Variants in GALNT13 observed in about 807,000 individuals in gnomAD.
The protein encoded by GALNT13 is UDP-GalNAc:polypeptide N-acetylgalactosaminyltransferase 13.
A neutral mutation model predicts 64.2 loss-of-function variants in GALNT13; 28 were observed. The ratio of observed to expected loss-of-function variants is 0.44; its 90% CI spans 0.32 to 0.60. GALNT13 has a LOEUF of 0.60. GALNT13 is among the 20% of genes least tolerant of loss of function. The probability of loss-of-function intolerance (pLI) is 0.05; values close to 1 mark genes in which losing one functional copy is unlikely to be tolerated. For synonymous variants in GALNT13, 214 were observed against 224.6 expected (o/e 0.95, Z 0.42); for missense variants, 577 against 669.8 (o/e 0.86, Z 1.53).
At chr2:154,206,293 G>C (rs1687448820) in intron 4 of GALNT13, among the ~76,000 whole-genome samples, 1 of 151,900 alleles carries the variant, frequency 6.6e-6, no homozygotes. Context: ...GAGCAACTGA[G>C]CCCGGCCCTA....
chr2:153,646,034 A>T, the GALNT13 span, among the ~76,000 whole-genome samples: 1 of 152,206 alleles, frequency 6.6e-6, no homozygotes, highest in Non-Finnish European at 1.5e-5. Context: ...AAAAACTATC[A>T]TTATTTCTAT....
At chr2:154,228,020 G>A (rs999859262) in intron 4 of GALNT13, among the ~76,000 whole-genome samples, 1 of 152,002 alleles carries the variant, frequency 6.6e-6, no homozygotes, top group Admixed American at 6.6e-5. Flanking sequence ...GCAGTCCTAC[G>A]TGTGATGTTA....
the GALNT13 span, among the ~76,000 whole-genome samples, chr2:153,586,334 T>C: frequency 6.6e-6 from 1 of 152,152 alleles, no homozygotes. Context: ...ACATATAGAT[T>C]GAAAGTAAAG....
chr2:153,855,535 A>G, the GALNT13 span, among the ~76,000 whole-genome samples: 1 of 152,212 alleles, frequency 6.6e-6, no homozygotes, highest in African/African-American at 2.4e-5. Context: ...CAAAGCCACA[A>G]TGAGACACCA....
chr2:153,279,396 A>G, the GALNT13 span, among the ~76,000 whole-genome samples: 5 of 151,856 alleles, frequency 3.3e-5, no homozygotes, highest in Non-Finnish European at 7.4e-5. Context: ...CCTGTACTAT[A>G]TTGAATAAGA....
intron 10 of GALNT13, among the ~76,000 whole-genome samples, chr2:154,402,626 G>A (rs376392177): frequency 5.9e-5 from 9 of 152,132 alleles, no homozygotes; most frequent in Non-Finnish European, 1.0e-4. Flanking sequence ...ACCAGTGTGC[G>A]CTACTATTTT....
intron 3 of GALNT13, among the ~76,000 whole-genome samples, chr2:154,103,467 CTT>C (rs1208853548): frequency 6.6e-6 from 1 of 152,056 alleles, no homozygotes; most frequent in Non-Finnish European, 1.5e-5. Flanking sequence ...GTTGTCAATT[CTT>C]TATCATTTCA....
chr2:154,387,854 G>C (rs1250357620), intron 9 of GALNT13, among the ~76,000 whole-genome samples: 1 of 152,018 alleles, frequency 6.6e-6, no homozygotes, highest in Non-Finnish European at 1.5e-5. Flanking sequence ...CCCATTTCTT[G>C]GCTATTGTGA....
intron 4 of GALNT13, among the ~76,000 whole-genome samples, chr2:154,221,823 A>T (rs1559033167): frequency 6.6e-6 from 1 of 152,146 alleles, no homozygotes; most frequent in Non-Finnish European, 1.5e-5. Context: ...TTATCTTATT[A>T]TGAAAATTCA....
At chr2:153,931,827 T>C (rs1574142224) in intron 2 of GALNT13, among the ~76,000 whole-genome samples, 1 of 152,246 alleles carries the variant, frequency 6.6e-6, no homozygotes, top group East Asian at 1.9e-4. Flanking sequence ...TTTTCTCTTT[T>C]CTTTGTGTTT....
chr2:153,128,724 G>A, the GALNT13 span, among the ~76,000 whole-genome samples: 2 of 152,118 alleles, frequency 1.3e-5, no homozygotes, highest in African/African-American at 2.4e-5. Flanking sequence ...ACCCAAGTCT[G>A]GGCAATTTAC....
chr2:153,156,893 A>C, the GALNT13 span, among the ~76,000 whole-genome samples: 1 of 152,192 alleles, frequency 6.6e-6, no homozygotes, highest in Non-Finnish European at 1.5e-5. Context: ...CAGATGAGAC[A>C]AGGCACGGCA....
chr2:153,928,439 G>A (rs1015238467), intron 2 of GALNT13, among the ~76,000 whole-genome samples: 1 of 152,076 alleles, frequency 6.6e-6, no homozygotes, highest in Non-Finnish European at 1.5e-5. Context: ...GCTGATAGAT[G>A]TCTACTGGGA....
At chr2:154,166,673 C>A (rs1180685398) in intron 4 of GALNT13, among the ~76,000 whole-genome samples, 1 of 152,168 alleles carries the variant, frequency 6.6e-6, no homozygotes, top group Non-Finnish European at 1.5e-5. Flanking sequence ...AAAACACATG[C>A]ACACATATGT....
chr2:153,196,004 A>C, the GALNT13 span, among the ~76,000 whole-genome samples: 1 of 152,102 alleles, frequency 6.6e-6, no homozygotes, highest in Non-Finnish European at 1.5e-5. Context: ...GCAGCTGGCT[A>C]TCCTGTCATC....
the GALNT13 span, among the ~76,000 whole-genome samples, chr2:153,387,385 G>A: frequency 6.6e-6 from 1 of 151,926 alleles, no homozygotes; most frequent in African/African-American, 2.4e-5. Context: ...TCCACCAATG[G>A]GTACTTTTAT....
the GALNT13 span, among the ~76,000 whole-genome samples, chr2:153,771,393 C>T: frequency 6.6e-6 from 1 of 152,068 alleles, no homozygotes; most frequent in Non-Finnish European, 1.5e-5. Context: ...TGCCACTGCA[C>T]CAAGTCCTTT....
chr2:154,401,237 G>T (rs990827580), intron 10 of GALNT13, among the ~76,000 whole-genome samples: 2 of 152,124 alleles, frequency 1.3e-5, no homozygotes, highest in Non-Finnish European at 2.9e-5. Context: ...GAAGCTGCTA[G>T]GCTGCAGAGA....
chr2:153,120,826 A>G, the GALNT13 span, among the ~76,000 whole-genome samples: 1 of 152,154 alleles, frequency 6.6e-6, no homozygotes, highest in South Asian at 2.1e-4. Flanking sequence ...CCAGGCTCAC[A>G]GCTGGAGGGG....
Sources: allele counts gnomAD v4.1 joint callset (sites outside exome capture counted in the v4.1 genomes callset), GRCh38; gene constraint gnomAD v4.1.1; transcripts MANE v1.5; gene names NCBI Gene and HGNC (gene_info 2026-07-23, HGNC 2026-07-21).